The following TUB variants were observed in gnomAD, a reference collection of about 807,000 sequenced individuals.
TUB encodes TUB bipartite transcription factor, also known as tubby protein homolog.
In TUB, 33 loss-of-function variants were observed where a neutral mutation model predicts 59.7. The ratio of observed to expected loss-of-function variants is 0.55; its 90% CI spans 0.42 to 0.74. The LOEUF is 0.74. TUB is among the 30% of genes least tolerant of loss of function. The pLI is 0.00. For synonymous variants in TUB, 293 were observed against 256.4 expected (o/e 1.14, Z -1.36); for missense variants, 659 against 672.0 (o/e 0.98, Z 0.21).
chr11:8,022,098 G>T (rs1320971649), intron 1 of TUB, among the ~76,000 whole-genome samples: 1 of 152,062 alleles, frequency 6.6e-6, no homozygotes, highest in African/African-American at 2.4e-5. Context: ...AATATCCAGG[G>T]GTAGGACCTG....
At chr11:8,021,783 T>G (rs1942431712) in intron 1 of TUB, among the ~76,000 whole-genome samples, 1 of 150,822 alleles carries the variant, frequency 6.6e-6, no homozygotes, top group African/African-American at 2.4e-5. Flanking sequence ...GGGCGTGGTG[T>G]CGGGCGCCTG....
At chr11:8,084,477 A>G (rs1315479893) in intron 1 of TUB, among the ~76,000 whole-genome samples, 1 of 152,116 alleles carries the variant, frequency 6.6e-6, no homozygotes, top group African/African-American at 2.4e-5. Context: ...AGCCTTTTAT[A>G]AGTTGTAAGT....
Position 8,096,818 on chromosome 11 carries a change from A to T in TUB, c.687+12A>T. 1 of 1,614,072 alleles carries T rather than the reference A, an allele frequency of 6.2e-7. No individual in the cohort carries two copies. The highest frequency in any genetic ancestry group is 8.5e-7 in the Non-Finnish European group (1 of 1,179,944). On this transcript the variant is annotated intron_variant, in intron 6 of 11. Coordinates refer to ENST00000299506, the MANE Select transcript of TUB (RefSeq NM_177972.3). ...GGAAGTCCGTCAGGGTGAGTGAGTGAGTCTGCATCCACAGCAGTTTTTGGA... is the reference window on the plus strand; with the variant it reads ...GGAAGTCCGTCAGGGTGAGTGAGTGTGTCTGCATCCACAGCAGTTTTTGGA...
intron 1 of TUB, among the ~76,000 whole-genome samples, chr11:8,030,103 C>T (rs976172817): frequency 1.3e-5 from 2 of 151,948 alleles, no homozygotes; most frequent in Non-Finnish European, 2.9e-5. Context: ...AGAGGGGAGT[C>T]GGGTATGGAG....
intron 1 of TUB, among the ~76,000 whole-genome samples, chr11:8,086,263 G>A (rs1466394802): frequency 6.6e-6 from 1 of 152,142 alleles, no homozygotes; most frequent in African/African-American, 2.4e-5. Flanking sequence ...TTATCGTTTA[G>A]GTCAGCCTAG....
intron 2 of TUB, among the ~76,000 whole-genome samples, chr11:8,059,831 G>T (rs1215721260): frequency 1.3e-5 from 2 of 152,134 alleles, no homozygotes; most frequent in African/African-American, 4.8e-5. Flanking sequence ...TTTTAAAAGT[G>T]TAATGTTCCT....
intron 2 of TUB, among the ~76,000 whole-genome samples, chr11:8,060,745 A>G (rs760041638): frequency 2.0e-5 from 3 of 152,316 alleles, no homozygotes; most frequent in Non-Finnish European, 2.9e-5. Flanking sequence ...ATGTTTTCCA[A>G]CTGATAACTA....
intron 1 of TUB, among the ~76,000 whole-genome samples, chr11:8,084,388 A>G (rs1318925527): frequency 6.6e-6 from 1 of 152,196 alleles, no homozygotes; most frequent in Non-Finnish European, 1.5e-5. Context: ...TGTTTCTGTT[A>G]GTACTAATAA....
In TUB at chr11:8,096,819, G is replaced by A. The variant is rs1944014507; in HGVS notation, c.687+13G>A. On this transcript the variant is annotated intron_variant, in intron 6 of 11. Transcript: ENST00000299506. ...GAAGTCCGTCAGGGTGAGTGAGTGAGTCTGCATCCACAGCAGTTTTTGGAG... is the reference window on the plus strand; with the variant it reads ...GAAGTCCGTCAGGGTGAGTGAGTGAATCTGCATCCACAGCAGTTTTTGGAG... 1 of 1,613,976 alleles carries A rather than the reference G, an allele frequency of 6.2e-7. No individual in the cohort carries two copies. The highest frequency in any genetic ancestry group is 8.5e-7 in the Non-Finnish European group (1 of 1,179,980).
chr11:8,083,709 C>G (rs933203030), intron 1 of TUB, among the ~76,000 whole-genome samples: 1 of 152,068 alleles, frequency 6.6e-6, no homozygotes, highest in African/African-American at 2.4e-5. Context: ...GTCTCAACAC[C>G]CTTATAGCCC....
intron 2 of TUB, among the ~76,000 whole-genome samples, chr11:8,062,853 C>A (rs1412368429): frequency 2.0e-5 from 3 of 152,164 alleles, no homozygotes; most frequent in Non-Finnish European, 4.4e-5. Context: ...GAAGCCCAGG[C>A]TCTGCCTACA....
At chr11:8,040,586 T>G (rs1942733859) in intron 2 of TUB, among the ~76,000 whole-genome samples, 1 of 152,162 alleles carries the variant, frequency 6.6e-6, no homozygotes, top group Admixed American at 6.5e-5. Context: ...TTGCTCTCCT[T>G]TTTTACACAT....
At chr11:8,056,632 G>C (rs1263359111) in intron 2 of TUB, among the ~76,000 whole-genome samples, 1 of 152,074 alleles carries the variant, frequency 6.6e-6, no homozygotes, top group African/African-American at 2.4e-5. Context: ...GAGCCTTTGT[G>C]GGGTGTGGTT....
chr11:8,044,026 G>T, intron 2 of TUB, among the ~76,000 whole-genome samples: 1 of 150,226 alleles, frequency 6.7e-6, no homozygotes, highest in South Asian at 2.1e-4. Flanking sequence ...CTTTATCGTT[G>T]GCTTTCAACA....
At chr11:8,099,520 C>A (rs1944160824) in intron 9 of TUB, among the ~76,000 whole-genome samples, 1 of 152,150 alleles carries the variant, frequency 6.6e-6, no homozygotes, top group African/African-American at 2.4e-5. Flanking sequence ...GGGGAGGCAG[C>A]CTGAGTCTTC....
At chr11:8,039,799 C>A in intron 2 of TUB, 1 of 874,834 alleles carries the variant, frequency 1.1e-6, no homozygotes, top group South Asian at 2.4e-5. Flanking sequence ...CCATGAACCC[C>A]ATATGCGCCT....
Position 8,094,143 on chromosome 11 carries a change from G to A in TUB, c.351G>A (p.Gly117=). ...AKRTKAAATA[G]GQGGAARKEK... is the part of the protein sequence containing the mutation. ...GAACCAAGGCGGCAGCTACAGCAGG[G>A]GGCCAGGGTGGCGCCGCTAGGAAGG... The change falls in exon 4 of 12, where the codon GGG becomes GGA. Residue 117 remains glycine (G), a synonymous_variant. Coordinates refer to ENST00000299506, the MANE Select transcript of TUB (RefSeq NM_177972.3). The A allele has an allele frequency of 6.2e-7, 1 of 1,614,094 alleles. No individual in the cohort carries two copies. The highest frequency in any genetic ancestry group is 1.3e-5 in the African/African-American group (1 of 75,038).
At chr11:8,098,250 C>T (rs943372439) in intron 8 of TUB, among the ~76,000 whole-genome samples, 1 of 151,708 alleles carries the variant, frequency 6.6e-6, no homozygotes, top group African/African-American at 2.4e-5. Context: ...GAGCCTAGGC[C>T]TCCAGGTGGG....
At position 8,098,887 on chromosome 11, in the gene TUB, G is replaced by C; in HGVS notation, c.1116+12G>C. On this transcript the variant is annotated intron_variant, in intron 9 of 11. Transcript: ENST00000299506. ...CAGCTGTGTGCTACGTGAGTCCTAGGTTCGGGGGTCTCTGATTTCCAAGGT... is the reference window on the plus strand; with the variant it reads ...CAGCTGTGTGCTACGTGAGTCCTAGCTTCGGGGGTCTCTGATTTCCAAGGT... 6.3e-7 allele frequency: 1 copy of C among 1,584,634 alleles called. No homozygotes were observed. The highest frequency in any genetic ancestry group is 1.1e-5 in the South Asian group (1 of 90,370).
Sources: gnomAD v4.1 joint callset for allele counts (sites outside exome capture counted in the v4.1 genomes callset) on GRCh38, gnomAD v4.1.1 for gene constraint, MANE v1.5 for transcripts, NCBI Gene and HGNC (gene_info 2026-07-23, HGNC 2026-07-21) for gene names.